CCDC126: variants seen among roughly 807,000 people sequenced by gnomAD.
CCDC126 encodes the protein coiled-coil domain containing 126.
In CCDC126, 5 loss-of-function variants were observed where a neutral mutation model predicts 11.7. That is an observed-to-expected ratio of 0.43 (90% CI 0.22 to 0.90). The LOEUF (loss-of-function observed/expected upper bound fraction) is 0.90. CCDC126 is among the 40% of genes least tolerant of loss of function. The probability of loss-of-function intolerance (pLI) is 0.27; values close to 1 mark genes in which losing one functional copy is unlikely to be tolerated. For synonymous variants in CCDC126, 60 were observed against 61.9 expected (o/e 0.97, Z 0.14); for missense variants, 150 against 163.1 (o/e 0.92, Z 0.44).
intron 3 of CCDC126, among the ~76,000 whole-genome samples, chr7:23,637,826 C>G (rs1783263687): frequency 8.7e-6 from 1 of 114,594 alleles, no homozygotes; most frequent in African/African-American, 3.0e-5. Flanking sequence ...GCCGCCCTGT[C>G]CGGGAGGGAG....
intron 3 of CCDC126, among the ~76,000 whole-genome samples, chr7:23,637,964 TG>T (rs1369731253): frequency 1.1e-5 from 1 of 91,106 alleles, no homozygotes; most frequent in Non-Finnish European, 2.2e-5. Context: ...GGGAGGGAGG[TG>T]GGGGGGTCAG....
At chr7:23,641,127 A>C (rs1298457985) in intron 3 of CCDC126, among the ~76,000 whole-genome samples, 2 of 150,930 alleles carry the variant, frequency 1.3e-5, no homozygotes, top group African/African-American at 4.9e-5. Flanking sequence ...TATTCCCACC[A>C]CTAATGTATG....
rs184668465 is a variant in CCDC126 at position 23,608,461 on chromosome 7, G to A, written c.-145-2710G>A. ...TTCATAAACTTTCTTAAAACACTAT[G>A]ATTTTTTTTGTGATTTTTAATTTTT... On this transcript the variant is annotated intron_variant, in intron 2 of 3. Transcript: ENST00000307471. Among the ~76,000 whole-genome samples the A allele has an allele frequency of 5.7e-3, 865 of 152,228 alleles. 11 individuals are homozygous for A. The highest frequency in any genetic ancestry group is 0.02 in the African/African-American group (835 of 41,512).
Position 23,643,164 on chromosome 7 carries a change from A to C in CCDC126, c.*49A>C. ...CTCCATCCACTGTGGATTATATCCT[A>C]TGGCAGAAAAGCTTTATAATTGCTG... On this transcript the variant is annotated 3_prime_UTR_variant, in exon 4 of 4. Coordinates refer to ENST00000307471, the MANE Select transcript of CCDC126 (RefSeq NM_138771.4). 6.6e-7 allele frequency: 1 copy of C among 1,521,314 alleles called. No homozygotes were observed. The highest frequency in any genetic ancestry group is 9.0e-7 in the Non-Finnish European group (1 of 1,113,928). The allele number at this position is 1,521,314 out of a possible 1,614,324, so 94.2% of individuals were successfully genotyped here.
At chr7:23,604,425 T>C (rs1224499523) in intron 2 of CCDC126, 1 of 152,164 alleles carries the variant, frequency 6.6e-6, no homozygotes, top group Non-Finnish European at 1.5e-5. Context: ...GGAGACTGGG[T>C]TGTGGAGGCC....
At chr7:23,610,575 A>G (rs1005653422) in intron 2 of CCDC126, among the ~76,000 whole-genome samples, 1 of 152,162 alleles carries the variant, frequency 6.6e-6, no homozygotes, top group African/African-American at 2.4e-5. Context: ...ATATTTTTGT[A>G]TGATATAAAC....
At chr7:23,632,471 A>G (rs1489241633) in intron 3 of CCDC126, among the ~76,000 whole-genome samples, 1 of 152,194 alleles carries the variant, frequency 6.6e-6, no homozygotes, top group Non-Finnish European at 1.5e-5. Flanking sequence ...CATATACCAA[A>G]TAAACAGATT....
rs112070625 is a variant in CCDC126 at position 23,632,296 on chromosome 7, T to C, written c.239-10635T>C. Among the ~76,000 whole-genome samples, 27 of 152,294 alleles carry C rather than the reference T, an allele frequency of 1.8e-4. 2 individuals are homozygous for C. The highest frequency in any genetic ancestry group is 4.6e-4 in the African/African-American group (19 of 41,566). On this transcript the variant is annotated intron_variant, in intron 3 of 3. Coordinates refer to ENST00000307471, the MANE Select transcript of CCDC126 (RefSeq NM_138771.4). ...TTTTAGTAAAGACAGGGTTTCACCA[T>C]GTTGGCCAGGCTGGTCTTGGAACTC... is the stretch of plus-strand genomic sequence containing the variant.
chr7:23,615,291 C>G (rs1376604131), intron 3 of CCDC126, among the ~76,000 whole-genome samples: 1 of 152,240 alleles, frequency 6.6e-6, no homozygotes, highest in East Asian at 1.9e-4. Context: ...TCCAACTCTT[C>G]TTCTGCAGGT....
intron 3 of CCDC126, among the ~76,000 whole-genome samples, chr7:23,631,150 AG>A (rs1233832715): frequency 1.3e-5 from 2 of 152,154 alleles, no homozygotes; most frequent in African/African-American, 4.8e-5. Flanking sequence ...GAAATGGTGA[AG>A]ATAAAAGCAG....
intron 3 of CCDC126, among the ~76,000 whole-genome samples, chr7:23,633,320 A>T (rs185315008): frequency 1.9e-3 from 283 of 152,270 alleles, no homozygotes; most frequent in Middle Eastern, 0.01. Context: ...AAGAGAAGTA[A>T]TAAAGTAATT....
chr7:23,643,064 GGTGCCA>G lies in CCDC126; in HGVS notation c.375_380del (p.Pro126_Val127del), dbSNP rs749939394. ...CCACCAATGGTACTAGTGGGAATTT[GGTGCCA>G]GTAACCACAAATAAAAGAACGAATG... On this transcript the variant is annotated inframe_deletion, in exon 4 of 4. Coordinates refer to ENST00000307471, the MANE Select transcript of CCDC126 (RefSeq NM_138771.4). 5.6e-6 allele frequency: 9 copies of G among 1,614,034 alleles called. No individual in the cohort carries two copies. Among genetic ancestry groups the G allele is most frequent in the Non-Finnish European group, 7.6e-6 (9 of 1,180,014 alleles).
At chr7:23,624,374 C>T (rs904042753) in intron 3 of CCDC126, among the ~76,000 whole-genome samples, 10 of 152,140 alleles carry the variant, frequency 6.6e-5, no homozygotes, top group Non-Finnish European at 1.3e-4. Flanking sequence ...AACTCCTGGC[C>T]TCATGTCGTC....
At chr7:23,622,315 G>A (rs1782918662) in intron 3 of CCDC126, among the ~76,000 whole-genome samples, 1 of 152,170 alleles carries the variant, frequency 6.6e-6, no homozygotes, top group South Asian at 2.1e-4. Flanking sequence ...TTGGGAGGGT[G>A]TATGTGTCAA....
intron 3 of CCDC126, among the ~76,000 whole-genome samples, chr7:23,624,696 C>G (rs1398724231): frequency 6.6e-6 from 1 of 152,180 alleles, no homozygotes; most frequent in Non-Finnish European, 1.5e-5. Context: ...CACGCATATT[C>G]CAACACATTG....
intron 3 of CCDC126, chr7:23,622,454 A>G: frequency 5.1e-6 from 2 of 395,484 alleles, no homozygotes; most frequent in South Asian, 2.0e-5. Context: ...TATTGCGTCT[A>G]TTTGACTCTT....
At position 23,643,970 on chromosome 7, in the gene CCDC126, A is replaced by G. The variant is rs1783413340; in HGVS notation, c.*855A>G. ...GCTATCAGGAAAGCACATTATTTCC[A>G]TATTTGGGTTAATTTTGCTTTTATT... On this transcript the variant is annotated 3_prime_UTR_variant, in exon 4 of 4. Transcript: ENST00000307471. 1 of 152,128 alleles carries G rather than the reference A, an allele frequency of 6.6e-6. No homozygotes were observed. Among genetic ancestry groups the G allele is most frequent in the African/African-American group, 2.4e-5 (1 of 41,426 alleles). The allele number at this position is 152,128 out of a possible 1,614,324, so 9.4% of individuals were successfully genotyped here.
chr7:23,617,222 C>G (rs1562492992), intron 3 of CCDC126, among the ~76,000 whole-genome samples: 2 of 151,654 alleles, frequency 1.3e-5, no homozygotes, highest in Non-Finnish European at 2.9e-5. Context: ...GTGGCACACA[C>G]CTGTAATCCT....
chr7:23,641,157 A>G (rs551455271), intron 3 of CCDC126, among the ~76,000 whole-genome samples: 6 of 152,062 alleles, frequency 3.9e-5, no homozygotes, highest in Non-Finnish European at 7.4e-5. Flanking sequence ...GTTTCTCTGC[A>G]TCCTTGCCAA....
Sources: allele counts gnomAD v4.1 joint callset (sites outside exome capture counted in the v4.1 genomes callset), GRCh38; gene constraint gnomAD v4.1.1; transcripts MANE v1.5; gene names NCBI Gene and HGNC (gene_info 2026-07-23, HGNC 2026-07-21).